Variants in CCSER1 observed in about 807,000 individuals in gnomAD.
CCSER1 encodes coiled-coil serine rich protein 1.
CCSER1 carries 41 observed loss-of-function variants against 82.0 expected under a neutral mutation model. That is an observed-to-expected ratio of 0.50 (90% CI 0.39 to 0.65). The LOEUF is 0.65. Ranked by LOEUF, CCSER1 falls within the 30% of genes least tolerant of loss-of-function variation. The pLI, the probability that CCSER1 is intolerant of heterozygous loss-of-function variation, is 0.00. For missense variants in CCSER1, 1,119 were observed against 1,064.2 expected (o/e 1.05, Z -0.72); for synonymous variants, 414 against 383.9 (o/e 1.08, Z -0.92).
At chr4:91,501,210 T>G (rs1396120942) in intron 10 of CCSER1, among the ~76,000 whole-genome samples, 1 of 151,958 alleles carries the variant, frequency 6.6e-6, no homozygotes, top group Non-Finnish European at 1.5e-5. Context: ...AAATAATTAT[T>G]TGATTAGAAA....
chr4:90,945,055 G>T (rs1207286896), intron 9 of CCSER1, among the ~76,000 whole-genome samples: 1 of 152,180 alleles, frequency 6.6e-6, no homozygotes, highest in Non-Finnish European at 1.5e-5. Flanking sequence ...AAGTTGAAGT[G>T]AGAGATAGGA....
chr4:91,293,364 TTTG>T (rs1369971783), intron 10 of CCSER1, among the ~76,000 whole-genome samples: 5 of 152,020 alleles, frequency 3.3e-5, no homozygotes, highest in Admixed American at 3.3e-4. Context: ...TTGAGGGTCT[TTTG>T]TTATTATCAA....
chr4:91,160,297 G>A (rs984697721), intron 10 of CCSER1, among the ~76,000 whole-genome samples: 4 of 152,142 alleles, frequency 2.6e-5, no homozygotes, highest in African/African-American at 9.7e-5. Flanking sequence ...GTCTGTAATT[G>A]ATGGACATTT....
At chr4:90,980,751 G>A (rs2150420082) in intron 9 of CCSER1, among the ~76,000 whole-genome samples, 1 of 151,844 alleles carries the variant, frequency 6.6e-6, no homozygotes, top group Non-Finnish European at 1.5e-5. Flanking sequence ...GTACTCGAAG[G>A]AAGGAATGCC....
At chr4:90,734,637 A>G (rs1745352845) in intron 7 of CCSER1, among the ~76,000 whole-genome samples, 1 of 152,178 alleles carries the variant, frequency 6.6e-6, no homozygotes, top group Non-Finnish European at 1.5e-5. Context: ...CCGTTGGGAT[A>G]TAGAAATGTT....
At chr4:90,438,308 G>T (rs1313721645) in intron 4 of CCSER1, among the ~76,000 whole-genome samples, 3 of 152,080 alleles carry the variant, frequency 2.0e-5, no homozygotes, top group African/African-American at 7.2e-5. Context: ...TATTAATAGG[G>T]TAAAACAATT....
chr4:90,911,617 T>C (rs554740411), intron 8 of CCSER1, among the ~76,000 whole-genome samples: 1 of 152,228 alleles, frequency 6.6e-6, no homozygotes, highest in South Asian at 2.1e-4. Context: ...CACTGGGGAT[T>C]GTCAGAGAGT....
At chr4:90,842,395 G>A (rs1762688245) in intron 8 of CCSER1, among the ~76,000 whole-genome samples, 1 of 152,132 alleles carries the variant, frequency 6.6e-6, no homozygotes, top group African/African-American at 2.4e-5. Flanking sequence ...ACTTCTCAGG[G>A]AGAGAGTAAA....
chr4:90,565,864 ATT>A (rs200488526), intron 5 of CCSER1, among the ~76,000 whole-genome samples: 20 of 136,754 alleles, frequency 1.5e-4, no homozygotes, highest in African/African-American at 3.0e-4. Flanking sequence ...ATCCCTCTTG[ATT>A]TTTTTTTTTT....
At chr4:91,568,495 G>C (rs372596368) in intron 10 of CCSER1, among the ~76,000 whole-genome samples, 2 of 152,228 alleles carry the variant, frequency 1.3e-5, no homozygotes, top group East Asian at 3.9e-4. Context: ...GTGATTCATT[G>C]ATTTGGCCTC....
chr4:90,856,430 C>G (rs553082025), intron 8 of CCSER1, among the ~76,000 whole-genome samples: 1 of 152,112 alleles, frequency 6.6e-6, no homozygotes, highest in Non-Finnish European at 1.5e-5. Context: ...GATAGTTTCA[C>G]TTAAAGAATA....
chr4:90,918,844 A>G (rs921126090), intron 8 of CCSER1, among the ~76,000 whole-genome samples: 2 of 151,842 alleles, frequency 1.3e-5, no homozygotes, highest in Admixed American at 1.3e-4. Flanking sequence ...ATATATTTTT[A>G]GATTGCTTGA....
At chr4:90,749,976 T>A (rs1480905547) in intron 7 of CCSER1, among the ~76,000 whole-genome samples, 2 of 152,128 alleles carry the variant, frequency 1.3e-5, no homozygotes, top group Admixed American at 6.6e-5. Context: ...TTTTTAATGA[T>A]TGCCATTCTA....
At chr4:90,775,829 C>A (rs1009951734) in intron 7 of CCSER1, among the ~76,000 whole-genome samples, 7 of 151,518 alleles carry the variant, frequency 4.6e-5, no homozygotes, top group Non-Finnish European at 8.8e-5. Context: ...AAAAATACGA[C>A]CACTTTGGTA....
chr4:90,560,533 T>G (rs182607760), intron 5 of CCSER1, among the ~76,000 whole-genome samples: 11 of 152,258 alleles, frequency 7.2e-5, no homozygotes, highest in Admixed American at 2.0e-4. Context: ...TTTATTCATG[T>G]TTTACTACCC....
intron 5 of CCSER1, among the ~76,000 whole-genome samples, chr4:90,605,003 G>A (rs900573571): frequency 1.9e-5 from 2 of 107,338 alleles, no homozygotes; most frequent in African/African-American, 8.0e-5. Flanking sequence ...AGTGAGCTCC[G>A]CTTCCACGTG....
In CCSER1 at chr4:91,575,940, C is replaced by T. The variant is rs181162333; in HGVS notation, c.2218-22632C>T. 3.4e-4 allele frequency among the ~76,000 whole-genome samples: 52 copies of T among 151,968 alleles called. 1 individual carries two copies. Among genetic ancestry groups the T allele is most frequent in the Non-Finnish European group, 6.2e-4 (42 of 67,834 alleles). Reference sequence around the variant, plus strand: ...GTTCAGCCATTATGAAAAAACTGTACGAAGCTTCTTCAAAAAATTAAAAAT... The same window carrying T: ...GTTCAGCCATTATGAAAAAACTGTATGAAGCTTCTTCAAAAAATTAAAAAT... On this transcript the variant is annotated intron_variant, in intron 10 of 10. Coordinates refer to ENST00000509176, the MANE Select transcript of CCSER1 (RefSeq NM_001145065.2).
At chr4:91,591,617 ATT>A (rs1249100449) in intron 10 of CCSER1, among the ~76,000 whole-genome samples, 1 of 152,128 alleles carries the variant, frequency 6.6e-6, no homozygotes, top group African/African-American at 2.4e-5. Flanking sequence ...AAAATTTTTT[ATT>A]TTTATAAATT....
At chr4:91,065,585 C>T (rs1461593) in intron 9 of CCSER1, among the ~76,000 whole-genome samples, 137,946 of 152,090 alleles carry the variant, frequency 0.91, 62,717 homozygotes, top group African/African-American at 0.93. Context: ...CACTTGTTTA[C>T]TTTTTAATGT....
Sources: gnomAD v4.1 joint callset for allele counts (sites outside exome capture counted in the v4.1 genomes callset) on GRCh38, gnomAD v4.1.1 for gene constraint, MANE v1.5 for transcripts, NCBI Gene and HGNC (gene_info 2026-07-23, HGNC 2026-07-21) for gene names.